Variants in AVL9 observed in about 807,000 individuals in gnomAD.
The protein encoded by AVL9 is AVL9 cell migration associated.
AVL9 carries 49 observed loss-of-function variants against 79.2 expected under a neutral mutation model. That is an observed-to-expected ratio of 0.62 (90% CI 0.49 to 0.79). The LOEUF is 0.79. AVL9 is among the 30% of genes least tolerant of loss of function. AVL9 has a pLI of 0.00. For missense variants in AVL9, 682 were observed against 776.8 expected (o/e 0.88, Z 1.45); for synonymous variants, 299 against 280.6 (o/e 1.07, Z -0.65).
intron 1 of AVL9, chr7:32,533,564 A>G (rs976732405): frequency 1.3e-5 from 2 of 152,224 alleles, no homozygotes; most frequent in African/African-American, 4.8e-5. Flanking sequence ...GAGATATGAG[A>G]AAGAAACCAT....
chr7:32,503,795 G>A (rs1482946338), intron 1 of AVL9, among the ~76,000 whole-genome samples: 1 of 151,606 alleles, frequency 6.6e-6, no homozygotes, highest in African/African-American at 2.4e-5. Context: ...CAATTCTCCT[G>A]CCTCAGCCTC....
intron 1 of AVL9, among the ~76,000 whole-genome samples, chr7:32,521,126 G>A (rs1274690596): frequency 6.6e-6 from 1 of 152,112 alleles, no homozygotes; most frequent in Non-Finnish European, 1.5e-5. Context: ...CCAGTCTCGG[G>A]TATGTCTTTA....
chr7:32,551,238 A>G (rs1171405213), intron 4 of AVL9, 96 bp from the exon 5 acceptor site: 4 of 784,668 alleles, frequency 5.1e-6, no homozygotes, highest in Non-Finnish European at 6.4e-6. Flanking sequence ...TCCAAATTAA[A>G]AAGTTGTGGG....
Position 32,558,968 on chromosome 7 carries a change from G to A in AVL9, c.719G>A (p.Arg240Lys), listed in dbSNP as rs1458661419. The change falls in exon 10 of 16, where the codon AGA becomes AAA. Residue 240 changes from arginine (R) to lysine (K), a missense_variant. Coordinates refer to ENST00000318709, the MANE Select transcript of AVL9 (RefSeq NM_015060.3). ...EHGLSDCSQY[R>K]PRKSMSEDGG... ...GGTCTCAGTGACTGTTCTCAGTATA[G>A]ACCCCGGAAAAGTATGTCTGAAGAT... 3 of 1,610,346 alleles carry A rather than the reference G, an allele frequency of 1.9e-6. No individual in the cohort carries two copies. Among genetic ancestry groups the A allele is most frequent in the Non-Finnish European group, 2.5e-6 (3 of 1,178,440 alleles).
rs77258200 is a variant in AVL9, at chr7:32,519,615, A to G, written c.94-23526A>G. On this transcript the variant is annotated intron_variant, in intron 1 of 15. Transcript: ENST00000318709. ...GTAACCTTGATTTTTTTCACTAGGA[A>G]TTTGGGTTACTAAGAGTTAAAATAG... Among the ~76,000 whole-genome samples, 785 of 152,012 alleles carry G rather than the reference A, an allele frequency of 5.2e-3. 8 individuals carry two copies. Among genetic ancestry groups the G allele is most frequent in the African/African-American group, 0.018 (752 of 41,344 alleles).
rs1791865003 is a variant in AVL9, at chr7:32,587,865, G to A, written c.*3958G>A. The stretch of plus-strand genomic sequence containing the variant: ...AAATATTTGTCAAGGACAAAGAAAA[G>A]GAATGTGGATGTTTATTCTTTTCAT... On this transcript the variant is annotated 3_prime_UTR_variant, in exon 16 of 16. Coordinates refer to ENST00000318709, the MANE Select transcript of AVL9 (RefSeq NM_015060.3). 6.6e-6 allele frequency: 1 copy of A among 152,170 alleles called. No homozygotes were observed. Among genetic ancestry groups the A allele is most frequent in the Non-Finnish European group, 1.5e-5 (1 of 68,034 alleles). 9.4% of individuals were successfully genotyped at this position (152,170 alleles called of 1,614,324 possible).
chr7:32,563,928 G>C (rs1790440306), intron 10 of AVL9, among the ~76,000 whole-genome samples: 1 of 152,132 alleles, frequency 6.6e-6, no homozygotes, highest in Admixed American at 6.5e-5. Flanking sequence ...TTAAGAACTT[G>C]GGAGAAAACT....
intron 3 of AVL9, among the ~76,000 whole-genome samples, chr7:32,548,513 T>TA (rs2128136672): frequency 1.3e-5 from 2 of 152,322 alleles, no homozygotes; most frequent in South Asian, 4.1e-4. Flanking sequence ...ACTGTCCATT[T>TA]ATAACCAGAA....
intron 2 of AVL9, 69 bp downstream of exon 2, chr7:32,543,330 T>C: frequency 6.4e-7 from 1 of 1,559,172 alleles, no homozygotes; most frequent in South Asian, 1.2e-5. Flanking sequence ...TCTTAGGTTC[T>C]AAATACTTAG....
rs745766123 is a variant in AVL9, at chr7:32,580,898, A to C, written c.1831+8A>C. ...AAACAGGAAAAGCTGTTGGTAAGAC[A>C]TGCCTTTAGCCAGGAACAAATTGGA... is the stretch of plus-strand genomic sequence containing the variant. On this transcript the variant is annotated splice_region_variant and intron_variant, in intron 15 of 15. Transcript: ENST00000318709. The C allele has an allele frequency of 6.2e-7, 1 of 1,610,462 alleles. No homozygotes were observed. The highest frequency in any genetic ancestry group is 8.5e-7 in the Non-Finnish European group (1 of 1,177,218).
At chr7:32,543,063 T>G in intron 1 of AVL9, 78 bp from the exon 2 acceptor site, 1 of 1,573,248 alleles carries the variant, frequency 6.4e-7, no homozygotes, top group Non-Finnish European at 8.7e-7. Context: ...ATTCAGGGTT[T>G]AAAAGCATTT....
chr7:32,495,920 G>T (rs1024294936), intron 1 of AVL9, 118 bp downstream of exon 1: 3 of 604,574 alleles, frequency 5.0e-6, no homozygotes, highest in South Asian at 8.7e-5. Context: ...CAGCGCCTGC[G>T]ACCCTTCGCC....
chr7:32,533,573 A>G (rs918634935), intron 1 of AVL9: 10 of 152,216 alleles, frequency 6.6e-5, no homozygotes, highest in African/African-American at 2.4e-4. Flanking sequence ...GAAAGAAACC[A>G]TAACTGAGAA....
chr7:32,508,873 G>A (rs898754251), intron 1 of AVL9, among the ~76,000 whole-genome samples: 7 of 152,114 alleles, frequency 4.6e-5, no homozygotes, highest in Non-Finnish European at 7.4e-5. Context: ...TATAATTTTT[G>A]TAATAAGTTT....
chr7:32,579,445 A>T (rs1382593809), intron 13 of AVL9, among the ~76,000 whole-genome samples: 4 of 6,552 alleles, frequency 6.1e-4, no homozygotes, highest in African/African-American at 4.2e-3. Context: ...TATTATATAT[A>T]ATATATTATA....
chr7:32,555,687 A>G (rs1790025628), intron 8 of AVL9, among the ~76,000 whole-genome samples: 6 of 152,192 alleles, frequency 3.9e-5, no homozygotes, highest in Admixed American at 3.9e-4. Flanking sequence ...TTTTAGAGAA[A>G]AAGTTCACCA....
At chr7:32,519,299 G>A (rs1230558718) in intron 1 of AVL9, among the ~76,000 whole-genome samples, 1 of 151,996 alleles carries the variant, frequency 6.6e-6, no homozygotes, top group African/African-American at 2.4e-5. Context: ...GTGGTGGCAG[G>A]CACCTGTAAT....
At chr7:32,557,576 T>A (rs1790122653) in intron 8 of AVL9, among the ~76,000 whole-genome samples, 1 of 152,200 alleles carries the variant, frequency 6.6e-6, no homozygotes, top group African/African-American at 2.4e-5. Context: ...TTAGCAAAAA[T>A]CCTACACAGG....
intron 13 of AVL9, among the ~76,000 whole-genome samples, chr7:32,579,871 T>G (rs1281473371): frequency 6.6e-6 from 1 of 151,328 alleles, no homozygotes; most frequent in Non-Finnish European, 1.5e-5. Context: ...ACCTTGACTG[T>G]CCTGGGGAGC....
Sources: gnomAD v4.1 joint callset for allele counts (sites outside exome capture counted in the v4.1 genomes callset) on GRCh38, gnomAD v4.1.1 for gene constraint, MANE v1.5 for transcripts, NCBI Gene and HGNC (gene_info 2026-07-23, HGNC 2026-07-21) for gene names.